Variants in SARDH observed in about 807,000 individuals in gnomAD.
The protein encoded by SARDH is sarcosine dehydrogenase, mitochondrial.
A neutral mutation model predicts 109.1 loss-of-function variants in SARDH; 95 were observed. The ratio of observed to expected loss-of-function variants is 0.87; its 90% confidence interval spans 0.74 to 1.03. The LOEUF (loss-of-function observed/expected upper bound fraction) is 1.03, where lower values mean the gene tolerates loss of function less well. Ranked by LOEUF, SARDH falls within the 50% of genes least tolerant of loss-of-function variation. The pLI is 0.00. For missense variants in SARDH, 1,267 were observed against 1,287.8 expected, an observed-to-expected ratio of 0.98 and a Z score of 0.25; for synonymous variants, 572 against 534.8, an observed-to-expected ratio of 1.07 and a Z score of -0.96.
Position 133,717,367 on chromosome 9 carries a change from A to G in SARDH, c.1109T>C (p.Val370Ala). Residue 370 changes from valine to alanine, a missense_variant, in exon 8 of 21, where the codon GTG becomes GCG. Transcript: ENST00000439388. ...HIEGAINRVP[V>A]LEKTGIKSTV... is the part of the protein sequence containing the mutation. ...GGACTTGATTCCTGTCTTCTCCAGC[A>G]CGGGGACCCTGTTGATGGCGCCTTC... 34 of 1,614,108 alleles carry G rather than the reference A, an allele frequency of 2.1e-5. No individual in the cohort carries two copies. The highest frequency in any genetic ancestry group is 2.8e-5 in the Non-Finnish European group (33 of 1,179,990).
intron 2 of SARDH, 57 bp from the exon 3 acceptor site, chr9:133,732,658 C>T (rs956285639): frequency 4.6e-6 from 7 of 1,526,634 alleles, no homozygotes; most frequent in Non-Finnish European, 6.2e-6. Flanking sequence ...CCTCCTTCCC[C>T]CAGACGAATA....
chr9:133,659,644 C>A (rs1832385485), downstream of SARDH, among the ~76,000 whole-genome samples: 1 of 152,164 alleles, frequency 6.6e-6, no homozygotes, highest in Non-Finnish European at 1.5e-5. Flanking sequence ...ATCAGCTAAG[C>A]GGCTGCTGCT....
Position 133,704,978 on chromosome 9 carries a change from C to A in SARDH, c.1524G>T (p.Pro508=). 2 of 1,585,442 alleles carry A rather than the reference C, an allele frequency of 1.3e-6. No individual in the cohort carries two copies. Among genetic ancestry groups the A allele is most frequent in the East Asian group, 4.6e-5 (2 of 43,808 alleles). ...VFQERHGWER[P]GWFHPRGPAP... is the part of the protein sequence containing the mutation. The stretch of plus-strand genomic sequence containing the variant: ...CTGGGCCTCGGGGATGAAACCATCC[C>A]GGTCGCTCCCAGCCATGCCGCTCCT... Residue 508 remains proline, a synonymous_variant, in exon 12 of 21, where the codon CCG becomes CCT. Coordinates refer to ENST00000439388, the MANE Select transcript of SARDH (RefSeq NM_001134707.2). This position sits in a 1 kb window ranked among gnomAD's most constrained non-coding sequence, Gnocchi z 4.5.
At chr9:133,662,632 G>A (rs552427557), downstream of SARDH, among the ~76,000 whole-genome samples, 4 of 152,222 alleles carry the variant, frequency 2.6e-5, no homozygotes, top group African/African-American at 7.2e-5. The surrounding 1 kb of genome is among the most constrained non-coding windows in gnomAD (Gnocchi z 5.1). Context: ...AGCTTTGTTC[G>A]AGCTCAGTCC....
chr9:133,735,315 G>C (rs1017757935), intron 1 of SARDH, among the ~76,000 whole-genome samples: 1 of 152,180 alleles, frequency 6.6e-6, no homozygotes, highest in Admixed American at 6.5e-5. Context: ...CAGAAGCCGG[G>C]TTAACAGGCC....
intron 6 of SARDH, among the ~76,000 whole-genome samples, chr9:133,723,567 C>T (rs1207225815): frequency 1.3e-5 from 2 of 152,130 alleles, no homozygotes; most frequent in African/African-American, 4.8e-5. Context: ...TCGAGACCAT[C>T]CTTGCTAACG....
chr9:133,701,616 A>G (rs570271679), intron 13 of SARDH, among the ~76,000 whole-genome samples: 77 of 152,330 alleles, frequency 5.1e-4, no homozygotes, highest in African/African-American at 1.8e-3. Flanking sequence ...CCAGAGTCCC[A>G]CAGGCTTTAG....
At chr9:133,721,947 C>A (rs1832340404) in intron 6 of SARDH, among the ~76,000 whole-genome samples, 1 of 152,060 alleles carries the variant, frequency 6.6e-6, no homozygotes, top group South Asian at 2.1e-4. Flanking sequence ...GAAACCCCAA[C>A]TCTACTAAAA....
intron 19 of SARDH, among the ~76,000 whole-genome samples, chr9:133,669,747 G>GT (rs1830270585): frequency 6.6e-6 from 1 of 152,170 alleles, no homozygotes; most frequent in Admixed American, 6.5e-5. Flanking sequence ...GTCTCCATTC[G>GT]TGAGTGGGGA....
At chr9:133,690,801 C>T (rs1831063874) in intron 15 of SARDH, among the ~76,000 whole-genome samples, 1 of 152,206 alleles carries the variant, frequency 6.6e-6, no homozygotes, top group Non-Finnish European at 1.5e-5. Flanking sequence ...TGCCCCTACC[C>T]TGGGAGGACG....
chr9:133,688,775 T>C (rs1462710700), intron 16 of SARDH, among the ~76,000 whole-genome samples: 1 of 152,208 alleles, frequency 6.6e-6, no homozygotes, highest in Non-Finnish European at 1.5e-5. Context: ...CAAGGCTGGG[T>C]CACTCGTTTC....
intron 8 of SARDH, among the ~76,000 whole-genome samples, chr9:133,715,121 C>T (rs1832071399): frequency 6.6e-6 from 1 of 152,130 alleles, no homozygotes; most frequent in Admixed American, 6.5e-5. Context: ...CCAGGCGCTC[C>T]CTAAGTCACG....
chr9:133,659,734 T>G (rs957188573), downstream of SARDH, among the ~76,000 whole-genome samples: 8 of 152,090 alleles, frequency 5.3e-5, no homozygotes, highest in African/African-American at 1.2e-4. Flanking sequence ...AATCACAGCT[T>G]CTTGTGGTCC....
At chr9:133,714,135 G>A (rs1271637807) in intron 8 of SARDH, among the ~76,000 whole-genome samples, 3 of 152,202 alleles carry the variant, frequency 2.0e-5, no homozygotes, top group African/African-American at 4.8e-5. Context: ...AGGGCACTTC[G>A]TTCGTGAACG....
rs1230404565 is a variant in SARDH at position 133,734,028 on chromosome 9, C to T, written c.146G>A (p.Gly49Glu). The T allele has an allele frequency of 2.5e-6, 4 of 1,613,276 alleles. No individual in the cohort carries two copies. In the East Asian group the frequency reaches 8.9e-5, roughly 36 times the overall value. Residue 49 changes from glycine to glutamate, a missense_variant, in exon 2 of 21, where the codon GGA becomes GAA. Coordinates refer to ENST00000439388, the MANE Select transcript of SARDH (RefSeq NM_001134707.2). Reference sequence around the variant, plus strand: ...TTGGGCCACCACCGAGGTGCCCTGTCCCTCCTTCAGGGTCCGCTGATATGG... The same window carrying T: ...TTGGGCCACCACCGAGGTGCCCTGTTCCTCCTTCAGGGTCCGCTGATATGG... ...SVPYQRTLKE[G>E]QGTSVVAQGP...
intron 6 of SARDH, among the ~76,000 whole-genome samples, chr9:133,722,639 AGC>A (rs1491347964): frequency 5.3e-5 from 6 of 113,112 alleles, no homozygotes; most frequent in African/African-American, 1.1e-4. Flanking sequence ...AAAAACTACT[AGC>A]GCTCTCTCTC....
chr9:133,672,305 G>A (rs562141549), intron 17 of SARDH, among the ~76,000 whole-genome samples: 2 of 152,302 alleles, frequency 1.3e-5, no homozygotes, highest in Admixed American at 6.5e-5. Context: ...TGGAGATCCT[G>A]ACCTTAATTA....
intron 17 of SARDH, among the ~76,000 whole-genome samples, chr9:133,682,093 C>G (rs1350312541): frequency 1.3e-5 from 2 of 152,190 alleles, no homozygotes; most frequent in Non-Finnish European, 2.9e-5. Flanking sequence ...CTGGTGGGCC[C>G]AGCTCTACCC....
chr9:133,731,621 A>T, intron 3 of SARDH, 137 bp from the exon 4 acceptor site: 1 of 826,394 alleles, frequency 1.2e-6, no homozygotes. Context: ...ACGCCCCCGG[A>T]GCCTGTCCCT....
Sources: gnomAD v4.1 joint callset for allele counts (sites outside exome capture counted in the v4.1 genomes callset) on GRCh38, gnomAD v4.1.1 for gene constraint, Gnocchi (gnomAD v3.1) non-coding constraint, MANE v1.5 for transcripts, NCBI Gene and HGNC (gene_info 2026-07-23, HGNC 2026-07-21) for gene names.